DAB1: variants seen among roughly 807,000 people sequenced by gnomAD.
DAB1 encodes DAB adaptor protein 1.
A neutral mutation model predicts 64.6 loss-of-function variants in DAB1; 15 were observed. The ratio of observed to expected loss-of-function variants is 0.23; its 90% CI spans 0.16 to 0.36. The LOEUF (loss-of-function observed/expected upper bound fraction) is 0.36. Ranked by LOEUF, DAB1 falls within the 10% of genes least tolerant of loss-of-function variation. The pLI, the probability that DAB1 is intolerant of heterozygous loss-of-function variation, is 1.00. For missense variants in DAB1, 596 were observed against 706.7 expected (o/e 0.84, Z 1.78); for synonymous variants, 235 against 251.9 (o/e 0.93, Z 0.64).
intron 7 of DAB1, among the ~76,000 whole-genome samples, chr1:57,636,096 C>CTAA (rs1646050631): frequency 1.5e-5 from 1 of 64,976 alleles, no homozygotes; most frequent in Non-Finnish European, 2.8e-5. Context: ...GACACGGTCT[C>CTAA]AAAAAAAAAA....
chr1:57,050,605 G>T (rs529210228), intron 9 of DAB1, among the ~76,000 whole-genome samples: 1 of 152,276 alleles, frequency 6.6e-6, no homozygotes. Flanking sequence ...CATCTTTTAA[G>T]ATTCTATTCA....
intron 5 of DAB1, among the ~76,000 whole-genome samples, chr1:58,046,603 T>C (rs939421182): frequency 6.6e-6 from 1 of 152,236 alleles, no homozygotes; most frequent in African/African-American, 2.4e-5. Context: ...CATTTCCACA[T>C]TAGTTTCAAG....
chr1:57,820,502 C>T (rs1652068095), intron 6 of DAB1, among the ~76,000 whole-genome samples: 1 of 152,156 alleles, frequency 6.6e-6, no homozygotes, highest in African/African-American at 2.4e-5. Context: ...ATTTCGAAGT[C>T]CCATCATGCT....
chr1:57,452,166 C>CTCT (rs1686403338), intron 7 of DAB1, among the ~76,000 whole-genome samples: 1 of 75,010 alleles, frequency 1.3e-5, no homozygotes, highest in Admixed American at 1.9e-4. Context: ...TGCACCCCCC[C>CTCT]TTTTTTTTTT....
intron 4 of DAB1, among the ~76,000 whole-genome samples, chr1:58,296,972 T>C (rs1662009711): frequency 6.6e-6 from 1 of 152,186 alleles, no homozygotes; most frequent in Admixed American, 6.5e-5. Flanking sequence ...CATATAGCAA[T>C]ATTCAGTAAA....
intron 5 of DAB1, among the ~76,000 whole-genome samples, chr1:58,019,710 T>G (rs1238733399): frequency 1.3e-5 from 2 of 152,132 alleles, no homozygotes; most frequent in African/African-American, 2.4e-5. Flanking sequence ...AGACCAACAT[T>G]TTTCTTACTA....
intron 1 of DAB1, among the ~76,000 whole-genome samples, chr1:57,365,334 AATAT>A (rs1189645311): frequency 7.0e-6 from 1 of 142,722 alleles, no homozygotes. Context: ...TTATATAAAG[AATAT>A]ATATAAATAT....
In DAB1 at chr1:58,181,154, T is replaced by C. The variant is rs531875029; in HGVS notation, n.310-30566A>G. 2.0e-5 allele frequency among the ~76,000 whole-genome samples: 3 copies of C among 152,300 alleles called. No homozygotes were observed. In the East Asian group the frequency reaches 5.8e-4, roughly 29 times the overall value. On this transcript the variant is annotated intron_variant and non_coding_transcript_variant, in intron 4 of 20. Transcript: ENST00000485760. ...TAGTTCACTTGTTTTGGGACTCTGT[T>C]GTTAGTTGCATATATATTTTAATTG...
intron 6 of DAB1, among the ~76,000 whole-genome samples, chr1:57,685,493 T>A (rs866826841): frequency 2.0e-5 from 3 of 152,134 alleles, no homozygotes; most frequent in South Asian, 4.1e-4. Flanking sequence ...TTGACAGTGT[T>A]AGATCAACAA....
At chr1:57,744,581 T>C (rs867227571) in intron 6 of DAB1, among the ~76,000 whole-genome samples, 1 of 152,178 alleles carries the variant, frequency 6.6e-6, no homozygotes, top group African/African-American at 2.4e-5. Context: ...TTGGCTGAAG[T>C]CACCGAGGAA....
intron 9 of DAB1, among the ~76,000 whole-genome samples, chr1:57,028,739 T>C (rs1440068349): frequency 6.6e-6 from 1 of 152,182 alleles, no homozygotes; most frequent in Non-Finnish European, 1.5e-5. Context: ...AGTGACATTT[T>C]GCCCCTGTCC....
chr1:58,072,284 G>T (rs1649325753), intron 5 of DAB1, among the ~76,000 whole-genome samples: 1 of 151,960 alleles, frequency 6.6e-6, no homozygotes, highest in Admixed American at 6.6e-5. Context: ...TTTATTTTGG[G>T]CCATTCATAG....
chr1:57,597,364 G>C (rs1048716210), intron 7 of DAB1, among the ~76,000 whole-genome samples: 5 of 152,184 alleles, frequency 3.3e-5, no homozygotes, highest in South Asian at 4.1e-4. Flanking sequence ...GAGTCAACCA[G>C]GGGAAAAATT....
At chr1:57,174,715 C>A (rs1662119278) in intron 2 of DAB1, among the ~76,000 whole-genome samples, 1 of 152,152 alleles carries the variant, frequency 6.6e-6, no homozygotes, top group Admixed American at 6.5e-5. Flanking sequence ...TCTTCTTTCT[C>A]ACTATCTGAT....
chr1:57,676,198 C>T, intron 6 of DAB1, among the ~76,000 whole-genome samples: 1 of 152,206 alleles, frequency 6.6e-6, no homozygotes, highest in East Asian at 1.9e-4. Flanking sequence ...ACGAGCAGAG[C>T]TGTTCTGATG....
At chr1:57,206,200 G>C (rs531741261) in intron 2 of DAB1, among the ~76,000 whole-genome samples, 1 of 152,300 alleles carries the variant, frequency 6.6e-6, no homozygotes, top group East Asian at 1.9e-4. Flanking sequence ...TGTTAGAAAG[G>C]CTTTGGAGGA....
At chr1:57,426,586 G>A (rs993339527), upstream of DAB1, among the ~76,000 whole-genome samples, 1 of 151,676 alleles carries the variant, frequency 6.6e-6, no homozygotes, top group Non-Finnish European at 1.5e-5. Flanking sequence ...CATCTACCCC[G>A]AGAAACAGTA....
chr1:58,371,906 G>A (rs1180439886), intron 3 of DAB1, among the ~76,000 whole-genome samples: 7 of 152,218 alleles, frequency 4.6e-5, no homozygotes, highest in African/African-American at 1.7e-4. Context: ...AGATTTCAGA[G>A]GATGTATGAA....
At chr1:57,322,336 C>T (rs2100768654) in intron 1 of DAB1, among the ~76,000 whole-genome samples, 1 of 152,182 alleles carries the variant, frequency 6.6e-6, no homozygotes, top group South Asian at 2.1e-4. Flanking sequence ...CTTAGCTGCC[C>T]AATAAGTATC....
Sources: allele counts gnomAD v4.1 joint callset (sites outside exome capture counted in the v4.1 genomes callset), GRCh38; gene constraint gnomAD v4.1.1; transcripts MANE v1.5; gene names NCBI Gene and HGNC (gene_info 2026-07-23, HGNC 2026-07-21).